Variants in RSRC1 observed in about 807,000 individuals in gnomAD.
RSRC1 encodes arginine and serine rich coiled-coil 1.
Under a neutral mutation model 49.1 loss-of-function variants are expected in RSRC1, and 39 were observed. The ratio of observed to expected loss-of-function variants is 0.79; its 90% CI spans 0.61 to 1.04. The LOEUF is 1.04. Ranked by LOEUF, RSRC1 falls within the 50% of genes least tolerant of loss-of-function variation. The pLI, the probability that RSRC1 is intolerant of heterozygous loss-of-function variation, is 0.00. For missense variants in RSRC1, 388 were observed against 402.4 expected, an observed-to-expected ratio of 0.96 and a Z score of 0.31; for synonymous variants, 143 against 130.8, an observed-to-expected ratio of 1.09 and a Z score of -0.63.
intron 5 of RSRC1, among the ~76,000 whole-genome samples, chr3:158,349,691 CTTTTT>C (rs775736592): frequency 1.3e-5 from 1 of 74,840 alleles, no homozygotes; most frequent in South Asian, 5.5e-4. Flanking sequence ...TCTTACTGCC[CTTTTT>C]TTTTTTTTTT....
chr3:158,366,284 T>A (rs577361389), intron 6 of RSRC1, among the ~76,000 whole-genome samples: 11 of 152,302 alleles, frequency 7.2e-5, no homozygotes, highest in African/African-American at 2.4e-4. Flanking sequence ...TTGTAGGTCT[T>A]ACGTTTAAGT....
At chr3:158,335,355 A>G (rs556492900) in intron 5 of RSRC1, among the ~76,000 whole-genome samples, 1 of 152,288 alleles carries the variant, frequency 6.6e-6, no homozygotes, top group South Asian at 2.1e-4. Context: ...GAGGGAGGAA[A>G]ATGCAGGGCC....
chr3:158,412,280 G>A (rs930864009), intron 6 of RSRC1, among the ~76,000 whole-genome samples: 2 of 152,078 alleles, frequency 1.3e-5, no homozygotes, highest in Admixed American at 6.6e-5. Flanking sequence ...TATGTGATTC[G>A]AATGTATTTG....
At chr3:158,286,793 A>G (rs1726589860) in intron 4 of RSRC1, among the ~76,000 whole-genome samples, 2 of 152,202 alleles carry the variant, frequency 1.3e-5, no homozygotes, top group Admixed American at 1.3e-4. Flanking sequence ...AAACTTGGAT[A>G]ATCAATTTCT....
chr3:158,391,286 ATCATAATTGATAT>A (rs753250712), intron 6 of RSRC1, among the ~76,000 whole-genome samples: 33 of 152,114 alleles, frequency 2.2e-4, no homozygotes, highest in Admixed American at 1.1e-3. Context: ...ACTGCAATGA[ATCATAATTGATAT>A]TCAAAAAACT....
chr3:158,375,381 T>A (rs1461884707), intron 6 of RSRC1, among the ~76,000 whole-genome samples: 1 of 150,856 alleles, frequency 6.6e-6, no homozygotes, highest in Non-Finnish European at 1.5e-5. Flanking sequence ...TTTTTTTTTC[T>A]TAATGAGATA....
intron 4 of RSRC1, among the ~76,000 whole-genome samples, chr3:158,251,427 T>A (rs1323487371): frequency 6.6e-6 from 1 of 152,166 alleles, no homozygotes; most frequent in Admixed American, 6.5e-5. Flanking sequence ...ATTTTAACAA[T>A]ATTGATTTTT....
At chr3:158,508,655 C>T (rs758363364) in intron 7 of RSRC1, among the ~76,000 whole-genome samples, 1 of 152,108 alleles carries the variant, frequency 6.6e-6, no homozygotes, top group Non-Finnish European at 1.5e-5. Flanking sequence ...TGCTGAGTAG[C>T]GTGATGAAAT....
intron 8 of RSRC1, among the ~76,000 whole-genome samples, chr3:158,540,970 C>T (rs1713000046): frequency 6.6e-6 from 1 of 152,162 alleles, no homozygotes; most frequent in African/African-American, 2.4e-5. Context: ...CACAGTTACC[C>T]AGCTTTCTGT....
intron 6 of RSRC1, among the ~76,000 whole-genome samples, chr3:158,396,557 GTAGTCTGAAA>G (rs1489781947): frequency 5.9e-5 from 9 of 152,090 alleles, no homozygotes; most frequent in Non-Finnish European, 1.3e-4. Flanking sequence ...TAATTTGCTA[GTAGTCTGAAA>G]CAAGTTCACA....
chr3:158,353,265 G>A (rs1730974996), intron 5 of RSRC1, among the ~76,000 whole-genome samples: 1 of 152,168 alleles, frequency 6.6e-6, no homozygotes, highest in Non-Finnish European at 1.5e-5. Flanking sequence ...TATTGCTAGA[G>A]TGATGTATCA....
intron 7 of RSRC1, among the ~76,000 whole-genome samples, chr3:158,475,723 C>CCTCT (rs3037125): frequency 3.8e-4 from 56 of 149,190 alleles, no homozygotes; most frequent in Admixed American, 8.0e-4. Context: ...ACTGGCTATT[C>CCTCT]CTCTCTCTCT....
chr3:158,306,608 A>G (rs1375159560), intron 5 of RSRC1, among the ~76,000 whole-genome samples: 1 of 151,984 alleles, frequency 6.6e-6, no homozygotes, highest in Non-Finnish European at 1.5e-5. Context: ...GTTACTTTAT[A>G]TAAGAAAATC....
intron 6 of RSRC1, among the ~76,000 whole-genome samples, chr3:158,450,743 G>A (rs976303137): frequency 6.6e-6 from 1 of 151,774 alleles, no homozygotes; most frequent in Non-Finnish European, 1.5e-5. Flanking sequence ...TTGTTCTGAG[G>A]TCTAGATAAA....
At chr3:158,382,133 C>G (rs113113710) in intron 6 of RSRC1, among the ~76,000 whole-genome samples, 5 of 151,994 alleles carry the variant, frequency 3.3e-5, no homozygotes, top group Non-Finnish European at 5.9e-5. Context: ...GCACATTAGC[C>G]TAAACCTACA....
chr3:158,481,239 T>C (rs1456678948), intron 7 of RSRC1, among the ~76,000 whole-genome samples: 2 of 152,086 alleles, frequency 1.3e-5, no homozygotes, highest in Non-Finnish European at 2.9e-5. Context: ...AATAAAGCCT[T>C]ATTATTGGTG....
At chr3:158,141,161 G>A (rs1311479829) in intron 3 of RSRC1, among the ~76,000 whole-genome samples, 1 of 152,178 alleles carries the variant, frequency 6.6e-6, no homozygotes, top group Admixed American at 6.5e-5. Context: ...ATGAATTATA[G>A]CCAATAATGA....
chr3:158,273,898 G>A (rs570660866), intron 4 of RSRC1, among the ~76,000 whole-genome samples: 7 of 152,152 alleles, frequency 4.6e-5, no homozygotes, highest in Non-Finnish European at 1.0e-4. Context: ...GTAGTTGCTT[G>A]AGTCATGTTT....
intron 5 of RSRC1, among the ~76,000 whole-genome samples, chr3:158,320,346 C>T (rs1728691987): frequency 6.6e-6 from 1 of 152,120 alleles, no homozygotes; most frequent in Admixed American, 6.5e-5. Context: ...ACTTTCTTAT[C>T]TGAATACTTG....
Sources: allele counts gnomAD v4.1 joint callset (sites outside exome capture counted in the v4.1 genomes callset), GRCh38; gene constraint gnomAD v4.1.1; transcripts MANE v1.5; gene names NCBI Gene and HGNC (gene_info 2026-07-23, HGNC 2026-07-21).